The following LARGE1 variants were observed in gnomAD, a reference collection of about 807,000 sequenced individuals.
LARGE1 encodes xylosyl- and glucuronyltransferase LARGE1.
LARGE1 carries 43 observed loss-of-function variants against 87.6 expected under a neutral mutation model. The observed-to-expected ratio is 0.49, with a 90% CI of 0.38 to 0.63. The LOEUF is 0.63. Ranked by LOEUF, LARGE1 falls within the 30% of genes least tolerant of loss-of-function variation. The probability of loss-of-function intolerance (pLI) is 0.00; values close to 1 mark genes in which losing one functional copy is unlikely to be tolerated. For missense variants in LARGE1, 802 were observed against 1,000.2 expected, an observed-to-expected ratio of 0.80 and a Z score of 2.67; for synonymous variants, 434 against 394.6, an observed-to-expected ratio of 1.10 and a Z score of -1.18.
At position 33,665,693 on chromosome 22, in the gene LARGE1, C is replaced by A. The variant is rs140553980; in HGVS notation, c.107-15025G>T. Among the ~76,000 whole-genome samples the A allele has an allele frequency of 1.1e-3, 169 of 152,134 alleles. 2 individuals are homozygous for A. The highest frequency in any genetic ancestry group is 3.9e-3 in the African/African-American group (160 of 41,502). ...GGATCATGAAGTCAGGAGATGGAGACCATCCTGGCTAACACGGCGAAATCT... is the reference window on the plus strand; with the variant it reads ...GGATCATGAAGTCAGGAGATGGAGAACATCCTGGCTAACACGGCGAAATCT... On this transcript the variant is annotated intron_variant, in intron 2 of 14. Coordinates refer to ENST00000397394, the MANE Select transcript of LARGE1 (RefSeq NM_133642.5).
chr22:33,473,636 G>T (rs1035893304), intron 6 of LARGE1, among the ~76,000 whole-genome samples: 3 of 152,152 alleles, frequency 2.0e-5, no homozygotes, highest in Non-Finnish European at 4.4e-5. Flanking sequence ...GTAGAGGTGG[G>T]GTTTCACCAC....
chr22:33,798,626 C>T (rs1052884179), intron 1 of LARGE1, among the ~76,000 whole-genome samples: 4 of 152,104 alleles, frequency 2.6e-5, no homozygotes, highest in African/African-American at 7.2e-5. Flanking sequence ...CTCCAAACCC[C>T]GGACATAGGA....
At chr22:33,643,710 T>C (rs373938062) in intron 3 of LARGE1, among the ~76,000 whole-genome samples, 16 of 151,932 alleles carry the variant, frequency 1.1e-4, no homozygotes, top group African/African-American at 3.9e-4. Flanking sequence ...ATAGACACAG[T>C]AAAAGATGAT....
chr22:33,699,802 C>T (rs1414825818), intron 2 of LARGE1, among the ~76,000 whole-genome samples: 1 of 152,180 alleles, frequency 6.6e-6, no homozygotes, highest in Non-Finnish European at 1.5e-5. Flanking sequence ...TTATGTAAAA[C>T]AATGCCATGT....
At chr22:33,398,793 G>C (rs1439621250) in intron 7 of LARGE1, among the ~76,000 whole-genome samples, 1 of 152,110 alleles carries the variant, frequency 6.6e-6, no homozygotes, top group Non-Finnish European at 1.5e-5. Flanking sequence ...GACACAAAGG[G>C]AAGAGGGCCG....
At chr22:33,440,117 T>C (rs552556394) in intron 6 of LARGE1, among the ~76,000 whole-genome samples, 5 of 152,170 alleles carry the variant, frequency 3.3e-5, no homozygotes, top group Non-Finnish European at 7.3e-5. Flanking sequence ...AAGCACAAAT[T>C]TGATGATTCT....
chr22:33,832,951 G>A (rs1023471091), intron 1 of LARGE1, among the ~76,000 whole-genome samples: 1 of 152,216 alleles, frequency 6.6e-6, no homozygotes, highest in Non-Finnish European at 1.5e-5. Flanking sequence ...CTGAGGTGTG[G>A]TGACTGCCCT....
intron 12 of LARGE1, among the ~76,000 whole-genome samples, chr22:33,297,302 G>A (rs1409155369): frequency 6.6e-6 from 1 of 152,146 alleles, no homozygotes; most frequent in Non-Finnish European, 1.5e-5. Context: ...TCTACCCAGT[G>A]TGGCCTATTT....
intron 10 of LARGE1, among the ~76,000 whole-genome samples, chr22:33,322,065 C>T (rs3884933): frequency 0.29 from 43,705 of 151,966 alleles, 6,994 homozygotes; most frequent in Non-Finnish European, 0.37. Flanking sequence ...GTGATCCACC[C>T]GCCTCGGCCT....
intron 1 of LARGE1, among the ~76,000 whole-genome samples, chr22:33,792,248 G>A (rs931175098): frequency 4.6e-5 from 7 of 152,210 alleles, no homozygotes; most frequent in African/African-American, 1.4e-4. Flanking sequence ...CTGTTAGGAC[G>A]TAATCAAATC....
At chr22:33,170,099 C>T (rs1922483783) in intron 11 of LARGE1, among the ~76,000 whole-genome samples, 1 of 151,894 alleles carries the variant, frequency 6.6e-6, no homozygotes, top group African/African-American at 2.4e-5. Context: ...GATTATTGCC[C>T]TGGGCTGGTG....
chr22:33,765,577 C>T (rs1275238504), intron 1 of LARGE1, among the ~76,000 whole-genome samples: 4 of 151,676 alleles, frequency 2.6e-5, no homozygotes, highest in South Asian at 4.2e-4. Context: ...TGGTGGTGGG[C>T]GCCTGTAATC....
chr22:33,821,113 T>C (rs963459461), intron 1 of LARGE1, among the ~76,000 whole-genome samples: 52 of 152,204 alleles, frequency 3.4e-4, no homozygotes, highest in Admixed American at 2.7e-3. Context: ...CCTCCCAAGA[T>C]TCTCCTCCAG....
chr22:33,589,288 A>G (rs1474034293), intron 5 of LARGE1, among the ~76,000 whole-genome samples: 1 of 152,232 alleles, frequency 6.6e-6, no homozygotes, highest in Admixed American at 6.5e-5. Flanking sequence ...TGAGATTTCA[A>G]TGAGATAACA....
chr22:33,093,982 C>A, the LARGE1 span, among the ~76,000 whole-genome samples: 25,970 of 151,608 alleles, frequency 0.17, 2,308 homozygotes, highest in Admixed American at 0.23. Flanking sequence ...AAAGTCCCGA[C>A]CTCAGGTGAT....
the LARGE1 span, among the ~76,000 whole-genome samples, chr22:33,154,914 A>T: frequency 3.3e-5 from 5 of 152,118 alleles, no homozygotes; most frequent in Admixed American, 1.3e-4. Flanking sequence ...TGTTCTTGTG[A>T]TGGTGAATAC....
intron 11 of LARGE1, among the ~76,000 whole-genome samples, chr22:33,171,404 C>T (rs1342684298): frequency 1.3e-5 from 2 of 152,168 alleles, no homozygotes; most frequent in Non-Finnish European, 2.9e-5. Context: ...TGTTAATAGC[C>T]AAGACAATGA....
intron 1 of LARGE1, among the ~76,000 whole-genome samples, chr22:33,792,268 G>C (rs964967832): frequency 9.2e-5 from 14 of 152,306 alleles, no homozygotes; most frequent in African/African-American, 3.1e-4. Flanking sequence ...CACAAGGGGT[G>C]GTTACCCCCA....
At chr22:33,344,619 T>C (rs1471423770) in intron 9 of LARGE1, among the ~76,000 whole-genome samples, 1 of 152,176 alleles carries the variant, frequency 6.6e-6, no homozygotes, top group Non-Finnish European at 1.5e-5. Flanking sequence ...TCTGAAAATC[T>C]GACTCAGGAT....
Sources: allele counts gnomAD v4.1 joint callset (sites outside exome capture counted in the v4.1 genomes callset), GRCh38; gene constraint gnomAD v4.1.1; transcripts MANE v1.5; gene names NCBI Gene and HGNC (gene_info 2026-07-23, HGNC 2026-07-21).